Variants in CTNNA2 observed in about 807,000 individuals in gnomAD.
CTNNA2 encodes catenin alpha 2, also known as catenin alpha-2.
A neutral mutation model predicts 101.0 loss-of-function variants in CTNNA2; 42 were observed. The ratio of observed to expected loss-of-function variants is 0.42; its 90% CI spans 0.32 to 0.54. The LOEUF (loss-of-function observed/expected upper bound fraction) is 0.54, where lower values mean the gene tolerates loss of function less well. Among genes scored for constraint, CTNNA2 ranks in the 20% least tolerant of loss-of-function variants. The pLI, the probability that CTNNA2 is intolerant of heterozygous loss-of-function variation, is 0.14. For synonymous variants in CTNNA2, 450 were observed against 456.4 expected, an observed-to-expected ratio of 0.99 and a Z score of 0.18; for missense variants, 871 against 1,223.1, an observed-to-expected ratio of 0.71 and a Z score of 4.29.
chr2:79,811,033 G>T (rs1276174617), intron 3 of CTNNA2, among the ~76,000 whole-genome samples: 1 of 150,810 alleles, frequency 6.6e-6, no homozygotes, highest in Non-Finnish European at 1.5e-5. Context: ...AATCCTTTGG[G>T]TATATACCCA....
chr2:79,868,807 AAC>A (rs1682349885), intron 4 of CTNNA2, among the ~76,000 whole-genome samples: 2 of 152,324 alleles, frequency 1.3e-5, no homozygotes, highest in South Asian at 4.1e-4. Flanking sequence ...CATGTTTAAG[AAC>A]AGTTGATTTT....
chr2:80,065,516 G>C (rs1401456583), intron 7 of CTNNA2, among the ~76,000 whole-genome samples: 1 of 151,952 alleles, frequency 6.6e-6, no homozygotes, highest in Non-Finnish European at 1.5e-5. Context: ...ACAACACCTA[G>C]CTAATTTCTG....
chr2:80,032,723 A>G (rs1695368971), intron 7 of CTNNA2, among the ~76,000 whole-genome samples: 1 of 152,228 alleles, frequency 6.6e-6, no homozygotes, highest in African/African-American at 2.4e-5. Context: ...AAAAACATCA[A>G]TTTAAAATAG....
At chr2:80,014,355 AG>A in intron 7 of CTNNA2, among the ~76,000 whole-genome samples, 1 of 151,476 alleles carries the variant, frequency 6.6e-6, no homozygotes, top group East Asian at 2.0e-4. Flanking sequence ...AAAAAAGACA[AG>A]AAGTTTCATG....
At chr2:79,618,394 G>A (rs1573490486) in intron 1 of CTNNA2, among the ~76,000 whole-genome samples, 1 of 151,866 alleles carries the variant, frequency 6.6e-6, no homozygotes. Flanking sequence ...GGCTCCTTCT[G>A]GCCCCATGTT....
intron 7 of CTNNA2, among the ~76,000 whole-genome samples, chr2:80,344,713 T>C (rs1317247722): frequency 6.6e-6 from 1 of 152,224 alleles, no homozygotes; most frequent in African/African-American, 2.4e-5. Flanking sequence ...CTTGAGCTCC[T>C]GAGCTCAAGT....
intron 9 of CTNNA2, among the ~76,000 whole-genome samples, chr2:80,512,244 T>C (rs1176478645): frequency 6.6e-6 from 1 of 152,006 alleles, no homozygotes; most frequent in African/African-American, 2.4e-5. Flanking sequence ...AATGTAGATG[T>C]TTTAAAAATA....
At chr2:80,233,604 AACTT>A (rs1709380103) in intron 7 of CTNNA2, among the ~76,000 whole-genome samples, 1 of 152,200 alleles carries the variant, frequency 6.6e-6, no homozygotes, top group South Asian at 2.1e-4. Flanking sequence ...GACAGACTAA[AACTT>A]AATTATATTG....
At position 80,117,338 on chromosome 2, in the gene CTNNA2, C is replaced by T. The variant is rs756182280; in HGVS notation, c.1056+207541C>T. On this transcript the variant is annotated intron_variant, in intron 7 of 18. Coordinates refer to ENST00000402739, the MANE Select transcript of CTNNA2 (RefSeq NM_001282597.3). Reference sequence around the variant, plus strand: ...AAGGGCACATAGTTTACATAAATTCCGTATGTATGTGGATGATCTCACTGA... The same window carrying T: ...AAGGGCACATAGTTTACATAAATTCTGTATGTATGTGGATGATCTCACTGA... Among the ~76,000 whole-genome samples the T allele has an allele frequency of 1.4e-4, 21 of 152,060 alleles. 1 individual carries two copies. Among genetic ancestry groups the T allele is most frequent in the Non-Finnish European group, 2.5e-4 (17 of 67,986 alleles).
chr2:79,194,655 G>C (rs1446044653), intron 1 of CTNNA2, among the ~76,000 whole-genome samples: 1 of 152,158 alleles, frequency 6.6e-6, no homozygotes, highest in Non-Finnish European at 1.5e-5. Flanking sequence ...AAACTGCCAG[G>C]TCAGTCAGTC....
intron 7 of CTNNA2, among the ~76,000 whole-genome samples, chr2:80,309,573 T>A (rs902628663): frequency 4.6e-5 from 7 of 152,204 alleles, no homozygotes; most frequent in Non-Finnish European, 8.8e-5. Context: ...AGTCACTTCT[T>A]GGTCAGTGAA....
At chr2:79,897,019 T>TC (rs1166951591) in intron 6 of CTNNA2, among the ~76,000 whole-genome samples, 1 of 152,136 alleles carries the variant, frequency 6.6e-6, no homozygotes, top group Admixed American at 6.5e-5. Context: ...GGCATCTTAG[T>TC]CATGAACTGA....
At chr2:79,730,082 T>C (rs1227876552) in intron 2 of CTNNA2, among the ~76,000 whole-genome samples, 2 of 152,154 alleles carry the variant, frequency 1.3e-5, no homozygotes, top group Admixed American at 1.3e-4. Context: ...AAATATGTGC[T>C]GATCATTATC....
At chr2:80,499,276 A>G (rs891274811) in intron 9 of CTNNA2, among the ~76,000 whole-genome samples, 2 of 152,196 alleles carry the variant, frequency 1.3e-5, no homozygotes, top group Non-Finnish European at 2.9e-5. Flanking sequence ...ATGTTATTCT[A>G]TGTGAATGGT....
chr2:80,075,382 C>A (rs952586882), intron 7 of CTNNA2, among the ~76,000 whole-genome samples: 7 of 151,730 alleles, frequency 4.6e-5, no homozygotes, highest in Non-Finnish European at 1.0e-4. Context: ...TCACTCTTGG[C>A]AGTTCAATTC....
intron 2 of CTNNA2, among the ~76,000 whole-genome samples, chr2:79,230,935 C>T (rs761248842): frequency 6.6e-6 from 1 of 152,202 alleles, no homozygotes; most frequent in Admixed American, 6.5e-5. Context: ...GCTAATTTCT[C>T]CCATTTGGAA....
chr2:80,434,356 GC>G (rs1681825923), intron 9 of CTNNA2, among the ~76,000 whole-genome samples: 1 of 152,104 alleles, frequency 6.6e-6, no homozygotes, highest in Non-Finnish European at 1.5e-5. Context: ...TGTACTTGTA[GC>G]TATTCTGGTG....
chr2:80,471,700 G>A (rs1357971207), intron 9 of CTNNA2, among the ~76,000 whole-genome samples: 2 of 152,186 alleles, frequency 1.3e-5, no homozygotes, highest in Non-Finnish European at 2.9e-5. Flanking sequence ...ATTTTTAAAT[G>A]TTGATTGCTT....
In CTNNA2 at chr2:79,483,376, C is replaced by T. The variant is rs115034491; in HGVS notation, c.-134-21678C>T. On this transcript the variant is annotated intron_variant, in intron 4 of 21. Coordinates refer to the CTNNA2 transcript ENST00000466387. ...TTACTTTCTGCTAGTTTCTACAGAT[C>T]AGAAAAGGGGCACATCATTGCCAGC... Among the ~76,000 whole-genome samples, 390 of 152,314 alleles carry T rather than the reference C, an allele frequency of 2.6e-3. 2 individuals carry two copies. The highest frequency in any genetic ancestry group is 8.9e-3 in the African/African-American group (370 of 41,562).
Sources: gnomAD v4.1 joint callset for allele counts (sites outside exome capture counted in the v4.1 genomes callset) on GRCh38, gnomAD v4.1.1 for gene constraint, MANE v1.5 for transcripts, NCBI Gene and HGNC (gene_info 2026-07-23, HGNC 2026-07-21) for gene names.